The following SLC2A13 variants were observed in gnomAD, a reference collection of about 807,000 sequenced individuals.
SLC2A13 encodes the protein proton myo-inositol cotransporter.
A neutral mutation model predicts 64.4 loss-of-function variants in SLC2A13; 32 were observed. The observed-to-expected ratio is 0.50, with a 90% confidence interval of 0.37 to 0.67. The LOEUF (loss-of-function observed/expected upper bound fraction) is 0.67. Among genes scored for constraint, SLC2A13 ranks in the 30% least tolerant of loss-of-function variants. The probability of loss-of-function intolerance (pLI) is 0.00; values close to 1 mark genes in which losing one functional copy is unlikely to be tolerated. For missense variants in SLC2A13, 743 were observed against 829.2 expected (o/e 0.90, Z 1.28); for synonymous variants, 338 against 327.1 (o/e 1.03, Z -0.36).
chr12:39,832,784 C>T (rs1270882564), intron 6 of SLC2A13, among the ~76,000 whole-genome samples: 2 of 152,032 alleles, frequency 1.3e-5, no homozygotes, highest in East Asian at 3.9e-4. Flanking sequence ...CTGAATTTCC[C>T]TTCTCCTCTA....
intron 7 of SLC2A13, among the ~76,000 whole-genome samples, chr12:39,807,044 G>A (rs571069809): frequency 7.2e-5 from 11 of 152,268 alleles, no homozygotes; most frequent in African/African-American, 2.6e-4. Context: ...AAACACATTA[G>A]GTTGGTGCAA....
chr12:39,872,593 G>A (rs191154570), intron 4 of SLC2A13, among the ~76,000 whole-genome samples: 167 of 152,264 alleles, frequency 1.1e-3, no homozygotes, highest in African/African-American at 3.5e-3. Context: ...GACTCATTTC[G>A]TGCTAAGTGA....
chr12:39,839,270 A>C (rs1943115131), intron 6 of SLC2A13, among the ~76,000 whole-genome samples: 1 of 151,778 alleles, frequency 6.6e-6, no homozygotes, highest in Non-Finnish European at 1.5e-5. Context: ...ACTGAAAACA[A>C]CTCTGGAACA....
chr12:39,906,212 T>C lies in SLC2A13; in HGVS notation c.1035-34251A>G, dbSNP rs111806956. 7.4e-3 allele frequency among the ~76,000 whole-genome samples: 1,132 copies of C among 152,266 alleles called. 13 individuals carry two copies. The highest frequency in any genetic ancestry group is 0.026 in the African/African-American group (1,077 of 41,566). The stretch of plus-strand genomic sequence containing the variant: ...TAATCCCAATTTTCAATTCTTGAAG[T>C]CAGTAATTCCAACTATCATTTATTA... On this transcript the variant is annotated intron_variant, in intron 4 of 9. Coordinates refer to ENST00000280871, the MANE Select transcript of SLC2A13 (RefSeq NM_052885.4).
intron 3 of SLC2A13, among the ~76,000 whole-genome samples, chr12:39,978,185 T>A (rs1248058259): frequency 1.3e-5 from 2 of 152,038 alleles, no homozygotes; most frequent in Non-Finnish European, 2.9e-5. Context: ...AAAATAGAAG[T>A]TTTCTGAGCA....
At chr12:40,043,727 A>G (rs1389235784) in intron 2 of SLC2A13, among the ~76,000 whole-genome samples, 2 of 149,588 alleles carry the variant, frequency 1.3e-5, no homozygotes, top group Non-Finnish European at 3.0e-5. Context: ...ACACTACAAT[A>G]TATTAGGAAA....
chr12:40,037,291 A>T (rs896199386), intron 2 of SLC2A13, among the ~76,000 whole-genome samples: 1 of 152,062 alleles, frequency 6.6e-6, no homozygotes. Flanking sequence ...TTTTTGTTTA[A>T]GATTGAAGCT....
At chr12:39,805,512 TG>T (rs1033914775) in intron 7 of SLC2A13, among the ~76,000 whole-genome samples, 3 of 14,586 alleles carry the variant, frequency 2.1e-4, no homozygotes, top group African/African-American at 4.8e-4. Flanking sequence ...ATGCCTCTGT[TG>T]GTTTTTTTTT....
intron 3 of SLC2A13, among the ~76,000 whole-genome samples, chr12:39,994,396 A>C (rs1203136279): frequency 1.3e-5 from 2 of 151,456 alleles, no homozygotes; most frequent in African/African-American, 4.8e-5. Context: ...AAAAAAAAAA[A>C]CAAAAAAAAA....
chr12:39,842,502 T>C (rs557705595), intron 6 of SLC2A13, among the ~76,000 whole-genome samples: 1 of 152,182 alleles, frequency 6.6e-6, no homozygotes, highest in Admixed American at 6.6e-5. Flanking sequence ...TGGAAACTTG[T>C]ATTGTCTTGT....
chr12:39,940,730 A>G (rs76428957), intron 4 of SLC2A13, among the ~76,000 whole-genome samples: 1 of 151,998 alleles, frequency 6.6e-6, no homozygotes, highest in African/African-American at 2.4e-5. Flanking sequence ...TCGTTTTTCT[A>G]TACATTATTG....
intron 1 of SLC2A13, among the ~76,000 whole-genome samples, chr12:40,076,648 T>C (rs1938187236): frequency 6.6e-6 from 1 of 152,146 alleles, no homozygotes; most frequent in Non-Finnish European, 1.5e-5. Flanking sequence ...GAACGAATTA[T>C]ATTTCTTTGG....
intron 1 of SLC2A13, among the ~76,000 whole-genome samples, chr12:40,094,306 C>G (rs941471539): frequency 3.3e-5 from 5 of 152,078 alleles, no homozygotes; most frequent in Admixed American, 1.3e-4. Context: ...TTCTCTGCAA[C>G]ACAGAAGGTA....
chr12:39,942,140 T>G (rs943602732), intron 4 of SLC2A13, among the ~76,000 whole-genome samples: 8 of 152,194 alleles, frequency 5.3e-5, no homozygotes, highest in African/African-American at 1.9e-4. Flanking sequence ...AATCAGGTAG[T>G]GTGATGCCTC....
chr12:39,850,881 T>A (rs1043689500), intron 6 of SLC2A13, among the ~76,000 whole-genome samples: 2 of 152,094 alleles, frequency 1.3e-5, no homozygotes, highest in Non-Finnish European at 2.9e-5. Flanking sequence ...AAGAGCTGAA[T>A]ATTTAGGCCC....
rs139518863 is a variant in SLC2A13, at chr12:40,105,792, C to T, written c.17G>A (p.Ser6Asn). Residue 6 changes from serine to asparagine, a missense_variant, in exon 1 of 10, where the codon AGC (serine) becomes AAC (asparagine). Coordinates refer to ENST00000280871, the MANE Select transcript of SLC2A13 (RefSeq NM_052885.4). This position sits in a 1 kb window ranked among gnomAD's most constrained non-coding sequence, Gnocchi z 4.2. MSRKA[S>N]ENVEYTLRSL... ...CCGCAGCGTGTACTCCACATTCTCG[C>T]TTGCCTTGCGGGACATAGGGCAGGG... 0.018 allele frequency: 26,012 copies of T among 1,484,278 alleles called. 403 individuals are homozygous for T. Among genetic ancestry groups the T allele is most frequent in the Middle Eastern group, 0.088 (469 of 5,312 alleles). The allele number at this position is 1,484,278 out of a possible 1,614,324, so 91.9% of individuals were successfully genotyped here.
intron 3 of SLC2A13, among the ~76,000 whole-genome samples, chr12:39,977,034 T>C (rs1946772820): frequency 6.6e-6 from 1 of 152,204 alleles, no homozygotes; most frequent in Non-Finnish European, 1.5e-5. Context: ...ATACGTACTT[T>C]AAGCTAAATG....
rs944238544 is a variant in SLC2A13, at chr12:39,756,034, T to A, written c.*3992A>T. The A allele has an allele frequency of 1.3e-5, 2 of 152,098 alleles. No individual in the cohort carries two copies. The allele number at this position is 152,098 out of a possible 1,614,324, so 9.4% of individuals were successfully genotyped here. ...TCTAGAAAAATAGCAGCAGTATTGC[T>A]CACCTAGAAGAGCTGAATGTACCGA... On this transcript the variant is annotated 3_prime_UTR_variant, in exon 10 of 10. Transcript: ENST00000280871.
At chr12:39,923,666 A>ATG (rs1945657846) in intron 4 of SLC2A13, among the ~76,000 whole-genome samples, 1 of 138,598 alleles carries the variant, frequency 7.2e-6, no homozygotes, top group African/African-American at 2.8e-5. Flanking sequence ...ATGTGATTAT[A>ATG]TGTATATATA....
Sources: gnomAD v4.1 joint callset for allele counts (sites outside exome capture counted in the v4.1 genomes callset) on GRCh38, gnomAD v4.1.1 for gene constraint, Gnocchi (gnomAD v3.1) non-coding constraint, MANE v1.5 for transcripts, NCBI Gene and HGNC (gene_info 2026-07-23, HGNC 2026-07-21) for gene names.